VAT1: variants seen among roughly 807,000 people sequenced by gnomAD.
VAT1 encodes vesicle amine transport 1, also known as NADPH-dependent quinone oxidoreductase VAT1.
VAT1 carries 24 observed loss-of-function variants against 33.3 expected under a neutral mutation model. The observed-to-expected ratio is 0.72, with a 90% CI of 0.52 to 1.01. The LOEUF is 1.01. VAT1 is among the 50% of genes least tolerant of loss of function. The pLI, the probability that VAT1 is intolerant of heterozygous loss-of-function variation, is 0.00. For synonymous variants in VAT1, 212 were observed against 225.0 expected, an observed-to-expected ratio of 0.94 and a Z score of 0.52; for missense variants, 436 against 533.7, an observed-to-expected ratio of 0.82 and a Z score of 1.80.
At position 43,015,908 on chromosome 17, in the gene VAT1, G is replaced by A; in HGVS notation, c.*153C>T. The stretch of plus-strand genomic sequence containing the variant: ...CTCTTCAGAGGTCAGGAAGCGGGGA[G>A]GGGCAGGGGAGAGCGGTCATCACCA... On this transcript the variant is annotated 3_prime_UTR_variant, in exon 6 of 6. Coordinates refer to ENST00000355653, the MANE Select transcript of VAT1 (RefSeq NM_006373.4). 2.4e-6 allele frequency: 2 copies of A among 821,534 alleles called. No individual in the cohort carries two copies. Among genetic ancestry groups the A allele is most frequent in the South Asian group, 1.6e-5 (1 of 61,642 alleles). 50.9% of individuals were successfully genotyped at this position (821,534 alleles called of 1,614,324 possible).
At position 43,015,691 on chromosome 17, in the gene VAT1, G is replaced by A. The variant is rs1025838711; in HGVS notation, c.*370C>T. 3.3e-5 allele frequency: 9 copies of A among 270,818 alleles called. No individual in the cohort carries two copies. The highest frequency in any genetic ancestry group is 6.4e-5 in the Non-Finnish European group (9 of 141,122). The allele number at this position is 270,818 out of a possible 1,614,324, so 16.8% of individuals were successfully genotyped here. A position where few individuals can be genotyped will look rare whatever the true frequency, so the allele number is the denominator to read the frequency against. On this transcript the variant is annotated 3_prime_UTR_variant, in exon 6 of 6. Coordinates refer to ENST00000355653, the MANE Select transcript of VAT1 (RefSeq NM_006373.4). ...CGTTTCAATTCTTTGGGGAGGTGGC[G>A]GGGCAGGGACGGGAGGAAAGATGAG...
chr17:43,021,818 C>T (rs1362233100), intron 1 of VAT1, 118 bp downstream of exon 1: 2 of 1,481,262 alleles, frequency 1.4e-6, no homozygotes, highest in African/African-American at 1.4e-5. Context: ...TTTCCACGCT[C>T]GTGCACCCAG....
At position 43,018,620 on chromosome 17, in the gene VAT1, G is replaced by A. The variant is rs773095391; in HGVS notation, c.567C>T (p.Gly189=). 2 of 1,613,942 alleles carry A rather than the reference G, an allele frequency of 1.2e-6. No individual in the cohort carries two copies. The highest frequency in any genetic ancestry group is 1.1e-5 in the South Asian group (1 of 91,060). Residue 189 remains glycine (G), a synonymous_variant, in exon 2 of 6, where the codon GGC becomes GGT. Coordinates refer to ENST00000355653, the MANE Select transcript of VAT1 (RefSeq NM_006373.4). ...CAGCCATGTGTACCAAGACGCTGTG[G>A]CCAGGCTGTAGGTTGCCGAAGTCAA... The part of the protein sequence containing the change: ...VLFDFGNLQP[G]HSVLVHMAAG...
At chr17:43,018,312 C>A in intron 2 of VAT1, 106 bp from the exon 3 acceptor site, 1 of 1,344,232 alleles carries the variant, frequency 7.4e-7, no homozygotes, top group South Asian at 1.3e-5. Context: ...TTTGCCTACG[C>A]TCATTTTAGG....
rs1373818564 is a variant in VAT1 at position 43,018,290 on chromosome 17, T to C, written c.596-84A>G. ...ATTCTAGCCTCCCAGGGACTCAGCC[T>C]GTCACCTTCATTTTGCCTACGCTCA... On this transcript the variant is annotated intron_variant, in intron 2 of 5. Transcript: ENST00000355653. The C allele has an allele frequency of 7.3e-5, 107 of 1,466,470 alleles. No individual in the cohort carries two copies. In the Admixed American group the frequency reaches 2.2e-3, roughly 30 times the overall value. 90.8% of individuals were successfully genotyped at this position (1,466,470 alleles called of 1,614,324 possible).
chr17:43,017,842 A>C lies in VAT1; in HGVS notation c.855T>G (p.Tyr285Ter). ...LLKPMGKVVT[Y>*]GMANLLTGPK... ...TCCATCCCTGGCCCACTAACTCACC[A>C]TAGGTGACGACTTTGCCCATGGGTT... Residue 285 changes from tyrosine to a stop codon, truncating the protein, a stop_gained and splice_region_variant, in exon 4 of 6, where the codon TAT (tyrosine) becomes TAG (stop). Coordinates refer to ENST00000355653, the MANE Select transcript of VAT1 (RefSeq NM_006373.4). LOFTEE classifies it high-confidence loss of function. The C allele has an allele frequency of 6.2e-7, 1 of 1,613,774 alleles. No individual in the cohort carries two copies. Among genetic ancestry groups the C allele is most frequent in the Non-Finnish European group, 8.5e-7 (1 of 1,179,890 alleles).
At position 43,014,934 on chromosome 17, in the gene VAT1, C is replaced by CCTCT. The variant is rs903482848; in HGVS notation, c.*1123_*1126dup. The CCTCT allele has an allele frequency of 6.5e-6, 1 of 152,732 alleles. No homozygotes were observed. Among genetic ancestry groups the CCTCT allele is most frequent in the African/African-American group, 2.4e-5 (1 of 41,458 alleles). The allele number at this position is 152,732 out of a possible 1,614,324, so 9.5% of individuals were successfully genotyped here. On this transcript the variant is annotated 3_prime_UTR_variant, in exon 6 of 6. Transcript: ENST00000355653. ...GTTTTGGGCTGAGTTTGATAAGCTGCCTCTCTGCTTTGAGAAGGCAGTAGG... is the reference window on the plus strand; with the variant it reads ...GTTTTGGGCTGAGTTTGATAAGCTGCCTCTCTCTCTGCTTTGAGAAGGCAGTAGG...
At position 43,021,930 on chromosome 17, in the gene VAT1, G is replaced by A. The variant is rs1319486520; in HGVS notation, c.387+6C>T. 4 of 1,610,064 alleles carry A rather than the reference G, an allele frequency of 2.5e-6. No homozygotes were observed. The highest frequency in any genetic ancestry group is 3.4e-6 in the Non-Finnish European group (4 of 1,179,550). On this transcript the variant is annotated splice_donor_region_variant and intron_variant, in intron 1 of 5. Coordinates refer to ENST00000355653, the MANE Select transcript of VAT1 (RefSeq NM_006373.4). ...AGCCCTGCCCTGCCCTACGCAACCC[G>A]CTCACCTTGCGGTCGCTGACTCCCT... is the stretch of plus-strand genomic sequence containing the variant.
chr17:43,018,881 T>C (rs429464), intron 1 of VAT1, 82 bp from the exon 2 acceptor site: 1,145,934 of 1,407,336 alleles, frequency 0.81, 467,718 homozygotes, highest in East Asian at 0.93. Context: ...GGTACAAGGC[T>C]ACCTTCTTCC....
At chr17:43,019,947 G>A (rs915562584) in intron 1 of VAT1, among the ~76,000 whole-genome samples, 1 of 152,130 alleles carries the variant, frequency 6.6e-6, no homozygotes, top group Non-Finnish European at 1.5e-5. Flanking sequence ...CACTGAATAC[G>A]AGAACTGAGG....
chr17:43,018,482 G>T, intron 2 of VAT1, 110 bp downstream of exon 2: 1 of 1,310,096 alleles, frequency 7.6e-7, no homozygotes. Context: ...GGAGCCACAG[G>T]CCAAGGCAGC....
In VAT1 at chr17:43,017,917, G is replaced by A. The variant is rs1365599633; in HGVS notation, c.780C>T (p.Val260=). The A allele has an allele frequency of 5.6e-6, 9 of 1,614,010 alleles. No homozygotes were observed. The East Asian group carries it at 2.0e-4, about 36-fold the overall frequency. Residue 260 remains valine, a synonymous_variant, in exon 4 of 6, where the codon GTC becomes GTT. Coordinates refer to ENST00000355653, the MANE Select transcript of VAT1 (RefSeq NM_006373.4). ...KKISPKGVDI[V]MDPLGGSDTA... ...TATCTGACCCACCCAGAGGGTCCAT[G>A]ACAATGTCCACTCCTGTCATAGAGT...
At chr17:43,019,039 C>T in intron 1 of VAT1, 1 of 560,854 alleles carries the variant, frequency 1.8e-6, no homozygotes, top group South Asian at 2.1e-5. Flanking sequence ...GCTTAATTAA[C>T]CCTTACATCA....
Position 43,022,193 on chromosome 17 carries a change from AGGCGGC to A in VAT1, c.124_129del (p.Ala42_Ala43del). On this transcript the variant is annotated inframe_deletion, in exon 1 of 6. Transcript: ENST00000355653. ...ACTAGGCAGCGCAGCAGTGGCGGCG[AGGCGGC>A]GGCGGCGGCGGCCCCTTCGGAGGCC... 1.3e-6 allele frequency: 2 copies of A among 1,557,330 alleles called. No individual in the cohort carries two copies. The highest frequency in any genetic ancestry group is 2.4e-5 in the East Asian group (1 of 41,318).
chr17:43,021,428 C>T (rs987296766), intron 1 of VAT1, among the ~76,000 whole-genome samples: 6 of 152,322 alleles, frequency 3.9e-5, no homozygotes, highest in African/African-American at 1.4e-4. Flanking sequence ...CACACCCCCA[C>T]AGACCACGGG....
chr17:43,018,899 G>A, intron 1 of VAT1, 100 bp from the exon 2 acceptor site: 1 of 1,158,588 alleles, frequency 8.6e-7, no homozygotes, highest in South Asian at 1.4e-5. Context: ...TCCAAATGAA[G>A]TAGCAGGAGA....
At chr17:43,020,060 A>C in intron 1 of VAT1, 3 of 978,966 alleles carry the variant, frequency 3.1e-6, no homozygotes, top group Non-Finnish European at 3.6e-6. Context: ...GATACAGAAC[A>C]ACCCAGGAGA....
rs918197721 is a variant in VAT1, at chr17:43,014,890, C to T, written c.*1171G>A. 6.5e-6 allele frequency: 1 copy of T among 152,708 alleles called. No individual in the cohort carries two copies. Among genetic ancestry groups the T allele is most frequent in the Non-Finnish European group, 1.5e-5 (1 of 68,094 alleles). 9.5% of individuals were successfully genotyped at this position (152,708 alleles called of 1,614,324 possible). A position where few individuals can be genotyped will look rare whatever the true frequency, so the allele number is the denominator to read the frequency against. On this transcript the variant is annotated 3_prime_UTR_variant, in exon 6 of 6. Transcript: ENST00000355653. ...CACTCTGTACTTCCCTGCTCCATCTCCCCACCCATGTAAACAGAGTTTTGG... is the reference window on the plus strand; with the variant it reads ...CACTCTGTACTTCCCTGCTCCATCTTCCCACCCATGTAAACAGAGTTTTGG...
At position 43,018,211 on chromosome 17, in the gene VAT1, A is replaced by C. The variant is rs754846937; in HGVS notation, c.596-5T>G. 6.2e-7 allele frequency: 1 copy of C among 1,603,802 alleles called. No homozygotes were observed. The stretch of plus-strand genomic sequence containing the variant: ...CGGCAGCCATACCCACACCCCCTGC[A>C]GCAAGACACCCATAAGCAGGGGATA... On this transcript the variant is annotated splice_region_variant and splice_polypyrimidine_tract_variant and intron_variant, in intron 2 of 5. Transcript: ENST00000355653.
Sources: gnomAD v4.1 joint callset for allele counts (sites outside exome capture counted in the v4.1 genomes callset) on GRCh38, gnomAD v4.1.1 for gene constraint, MANE v1.5 for transcripts, NCBI Gene and HGNC (gene_info 2026-07-23, HGNC 2026-07-21) for gene names.